Variants in DOK5 observed in about 807,000 individuals in gnomAD.
The protein encoded by DOK5 is downstream of tyrosine kinase 5.
DOK5 carries 27 observed loss-of-function variants against 43.3 expected under a neutral mutation model. That is an observed-to-expected ratio of 0.62 (90% CI 0.46 to 0.86). The LOEUF is 0.86. DOK5 is among the 40% of genes least tolerant of loss of function. DOK5 has a pLI of 0.00. For missense variants in DOK5, 373 were observed against 392.9 expected, an observed-to-expected ratio of 0.95 and a Z score of 0.43; for synonymous variants, 146 against 140.1, an observed-to-expected ratio of 1.04 and a Z score of -0.30.
At chr20:54,539,416 G>T (rs2146713891) in intron 1 of DOK5, among the ~76,000 whole-genome samples, 1 of 151,650 alleles carries the variant, frequency 6.6e-6, no homozygotes, top group South Asian at 2.1e-4. Context: ...TCTGAATCCT[G>T]CCTGTATCAA....
At chr20:54,635,126 T>G (rs992290187) in intron 6 of DOK5, among the ~76,000 whole-genome samples, 1 of 152,178 alleles carries the variant, frequency 6.6e-6, no homozygotes, top group African/African-American at 2.4e-5. Context: ...CTGACCAGCA[T>G]TAACATTAAA....
rs539421228 is a variant in DOK5, at chr20:54,563,319, G to A, written c.174+8279G>A. On this transcript the variant is annotated intron_variant, in intron 2 of 7. Transcript: ENST00000262593. The stretch of plus-strand genomic sequence containing the variant: ...TTAATCACCATTGTCATTCCCTGGT[G>A]TTCATTTTCCTGGTGGTTGCCTCTG... Among the ~76,000 whole-genome samples, 3 of 152,270 alleles carry A rather than the reference G, an allele frequency of 2.0e-5. No individual in the cohort carries two copies. The South Asian group carries it at 6.2e-4, about 32-fold the overall frequency.
intron 2 of DOK5, among the ~76,000 whole-genome samples, chr20:54,557,615 A>C (rs958726315): frequency 2.4e-4 from 37 of 152,282 alleles, no homozygotes; most frequent in African/African-American, 8.9e-4. Context: ...CCTCTTCTCC[A>C]GGTGCCCTGG....
intron 1 of DOK5, among the ~76,000 whole-genome samples, chr20:54,540,628 C>A (rs1568774079): frequency 6.6e-6 from 1 of 152,050 alleles, no homozygotes; most frequent in Non-Finnish European, 1.5e-5. Flanking sequence ...GATCCTTCCC[C>A]ACCTCAGCCT....
chr20:54,552,534 C>T (rs111472595), intron 1 of DOK5, among the ~76,000 whole-genome samples: 3 of 151,666 alleles, frequency 2.0e-5, no homozygotes, highest in Admixed American at 6.6e-5. Context: ...CTATATGTAT[C>T]GTAATATGTA....
At chr20:54,540,499 A>C (rs541190852) in intron 1 of DOK5, among the ~76,000 whole-genome samples, 15 of 152,264 alleles carry the variant, frequency 9.9e-5, no homozygotes, top group African/African-American at 3.4e-4. Context: ...CTATATACCA[A>C]GCAATATGCT....
intron 1 of DOK5, among the ~76,000 whole-genome samples, chr20:54,482,260 T>C (rs1981749858): frequency 6.6e-6 from 1 of 152,220 alleles, no homozygotes; most frequent in Non-Finnish European, 1.5e-5. Context: ...GACTGTTTTC[T>C]TTTGTGGTAG....
intron 1 of DOK5, among the ~76,000 whole-genome samples, chr20:54,482,695 C>T (rs976341159): frequency 6.6e-6 from 1 of 152,182 alleles, no homozygotes; most frequent in Non-Finnish European, 1.5e-5. Flanking sequence ...CAGGGTTTCA[C>T]CATGTTGGCC....
chr20:54,596,917 A>C (rs1241175106), intron 5 of DOK5, among the ~76,000 whole-genome samples: 1 of 152,130 alleles, frequency 6.6e-6, no homozygotes, highest in Non-Finnish European at 1.5e-5. Flanking sequence ...GACTTTCAGA[A>C]GCTTTGAGAT....
chr20:54,592,386 A>T (rs989737309), intron 5 of DOK5, among the ~76,000 whole-genome samples: 1 of 152,104 alleles, frequency 6.6e-6, no homozygotes, highest in Non-Finnish European at 1.5e-5. Flanking sequence ...CTTAGGGGTT[A>T]ATCTGGGAGA....
chr20:54,614,465 C>T (rs1986744738), intron 6 of DOK5, among the ~76,000 whole-genome samples: 1 of 152,148 alleles, frequency 6.6e-6, no homozygotes, highest in African/African-American at 2.4e-5. Flanking sequence ...TCCCTTTAGG[C>T]ACCTGAAGAA....
At chr20:54,589,493 C>A (rs1187393754) in intron 4 of DOK5, among the ~76,000 whole-genome samples, 1 of 152,154 alleles carries the variant, frequency 6.6e-6, no homozygotes, top group Non-Finnish European at 1.5e-5. Context: ...CTAAAATATT[C>A]ATGAACACTT....
intron 1 of DOK5, among the ~76,000 whole-genome samples, chr20:54,493,310 A>C (rs375571462): frequency 1.8e-4 from 28 of 152,216 alleles, no homozygotes; most frequent in African/African-American, 6.7e-4. Context: ...ACCCAAAATC[A>C]GTGCATGAGC....
chr20:54,556,465 C>T (rs895400615), intron 2 of DOK5, among the ~76,000 whole-genome samples: 2 of 152,188 alleles, frequency 1.3e-5, no homozygotes, highest in African/African-American at 4.8e-5. Flanking sequence ...AATCTTGAGC[C>T]AAACTCTCCA....
rs745734024 is a variant in DOK5 at position 54,650,475 on chromosome 20, A to G, written c.917A>G (p.His306Arg). Residue 306 changes from histidine to arginine, a missense_variant, in exon 8 of 8, where the codon CAC becomes CGC. Transcript: ENST00000262593. Reference protein sequence around the residue: ...TETFPAYRSEH With the variant: ...TETFPAYRSER ...ACTTTTCCAGCCTACAGATCTGAGC[A>G]CTGACAGTAACTGCCAAGAATTGTT... 5.6e-6 allele frequency: 9 copies of G among 1,613,922 alleles called. No homozygotes were observed. The highest frequency in any genetic ancestry group is 7.6e-6 in the Non-Finnish European group (9 of 1,179,938).
intron 1 of DOK5, among the ~76,000 whole-genome samples, chr20:54,506,446 AT>A (rs1982805745): frequency 6.6e-6 from 1 of 152,146 alleles, no homozygotes; most frequent in South Asian, 2.1e-4. Flanking sequence ...ATGCCATTTT[AT>A]TTCTTTAAAT....
chr20:54,530,916 G>A (rs1018744978), intron 1 of DOK5, among the ~76,000 whole-genome samples: 3 of 152,156 alleles, frequency 2.0e-5, no homozygotes, highest in Non-Finnish European at 4.4e-5. Flanking sequence ...CCTGTGAGCG[G>A]AATTGCAGGA....
rs546070379 is a variant in DOK5, at chr20:54,485,353, C to CAA, written c.66+9357_66+9358dup. ...GGGTGACAAGAGTAAGACTCCGTCT[C>CAA]AAAAAAAAAAAAAAAAAGAATGTAA... On this transcript the variant is annotated intron_variant, in intron 1 of 7. Transcript: ENST00000262593. Among the ~76,000 whole-genome samples the CAA allele has an allele frequency of 4.6e-3, 359 of 77,378 alleles. 4 individuals carry two copies. The highest frequency in any genetic ancestry group is 0.014 in the African/African-American group (330 of 23,650). The allele number at this position is 77,378 out of a possible 152,430, so 50.8% of individuals were successfully genotyped here.
chr20:54,594,592 A>G (rs1986078443), intron 5 of DOK5, among the ~76,000 whole-genome samples: 1 of 152,186 alleles, frequency 6.6e-6, no homozygotes, highest in East Asian at 1.9e-4. Flanking sequence ...CATATTTCAT[A>G]TTGATGTGTA....
Sources: allele counts gnomAD v4.1 joint callset (sites outside exome capture counted in the v4.1 genomes callset), GRCh38; gene constraint gnomAD v4.1.1; transcripts MANE v1.5; gene names NCBI Gene and HGNC (gene_info 2026-07-23, HGNC 2026-07-21).